The following CPED1 variants were observed in gnomAD, a reference collection of about 807,000 sequenced individuals.
CPED1 encodes cadherin like and PC-esterase domain containing 1, also known as cadherin-like and PC-esterase domain-containing protein 1.
CPED1 carries 114 observed loss-of-function variants against 128.2 expected under a neutral mutation model. The observed-to-expected ratio is 0.89, with a 90% CI of 0.76 to 1.04. CPED1 has a LOEUF of 1.04. Ranked by LOEUF, CPED1 falls within the 50% of genes least tolerant of loss-of-function variation. The pLI, the probability that CPED1 is intolerant of heterozygous loss-of-function variation, is 0.00. For missense variants in CPED1, 1,211 were observed against 1,207.1 expected (o/e 1.00, Z -0.05); for synonymous variants, 462 against 426.7 (o/e 1.08, Z -1.02).
intron 16 of CPED1, among the ~76,000 whole-genome samples, chr7:121,204,294 A>T (rs915686089): frequency 6.6e-6 from 1 of 152,132 alleles, no homozygotes; most frequent in Non-Finnish European, 1.5e-5. Flanking sequence ...TAGTTTTACA[A>T]AGTAGAAGCC....
chr7:121,099,359 TAATTA>T (rs1344856000), intron 6 of CPED1, among the ~76,000 whole-genome samples: 1 of 152,140 alleles, frequency 6.6e-6, no homozygotes, highest in Admixed American at 6.5e-5. Context: ...CCTTTTTATT[TAATTA>T]AATTAATTAA....
intron 16 of CPED1, among the ~76,000 whole-genome samples, chr7:121,182,138 A>C (rs1796908863): frequency 6.6e-6 from 1 of 151,752 alleles, no homozygotes; most frequent in Non-Finnish European, 1.5e-5. Context: ...AAAAACCACT[A>C]TAAAAGCTAT....
At chr7:121,101,662 T>G (rs1269692620) in intron 7 of CPED1, among the ~76,000 whole-genome samples, 1 of 152,052 alleles carries the variant, frequency 6.6e-6, no homozygotes, top group Non-Finnish European at 1.5e-5. Flanking sequence ...TTCTGCAGGC[T>G]GTACAAGTAT....
chr7:121,112,538 A>G (rs1378921542), intron 7 of CPED1, among the ~76,000 whole-genome samples: 1 of 152,190 alleles, frequency 6.6e-6, no homozygotes, highest in Non-Finnish European at 1.5e-5. Flanking sequence ...TTAAGAGGGA[A>G]CGTGGCCATG....
At chr7:121,159,171 A>T (rs1489531033) in intron 16 of CPED1, among the ~76,000 whole-genome samples, 1 of 152,166 alleles carries the variant, frequency 6.6e-6, no homozygotes, top group Non-Finnish European at 1.5e-5. Context: ...CGACTTCAAA[A>T]GTTGCTTTTG....
intron 5 of CPED1, among the ~76,000 whole-genome samples, chr7:121,082,553 A>C (rs941029130): frequency 1.3e-5 from 2 of 152,240 alleles, no homozygotes; most frequent in East Asian, 3.8e-4. Flanking sequence ...GATTACCCTA[A>C]AATAAAGCAG....
At chr7:121,131,747 A>G (rs976442279) in intron 12 of CPED1, among the ~76,000 whole-genome samples, 3 of 152,046 alleles carry the variant, frequency 2.0e-5, no homozygotes, top group South Asian at 2.1e-4. Context: ...TTTAGAATTT[A>G]TGAAGACAGG....
At chr7:121,245,367 G>A (rs1192417252) in intron 18 of CPED1, among the ~76,000 whole-genome samples, 7 of 152,026 alleles carry the variant, frequency 4.6e-5, no homozygotes, top group African/African-American at 1.4e-4. Flanking sequence ...AACTTATGTT[G>A]CAGTGTTATT....
chr7:121,082,817 A>G (rs939357808), intron 5 of CPED1, among the ~76,000 whole-genome samples: 2 of 152,258 alleles, frequency 1.3e-5, no homozygotes, highest in African/African-American at 2.4e-5. Flanking sequence ...TGTCTTATAA[A>G]TAAGAAAATA....
intron 17 of CPED1, 43 bp from the exon 18 acceptor site, chr7:121,244,159 C>T (rs1784208258): frequency 6.2e-7 from 1 of 1,613,364 alleles, no homozygotes; most frequent in South Asian, 1.1e-5. Flanking sequence ...ACAAACTTCA[C>T]CAGCAGAAAC....
At chr7:121,088,903 C>T (rs888186228) in intron 5 of CPED1, among the ~76,000 whole-genome samples, 7 of 151,468 alleles carry the variant, frequency 4.6e-5, no homozygotes, top group African/African-American at 1.2e-4. Flanking sequence ...ATTCTTTACT[C>T]ATATGCAAGA....
chr7:121,187,948 G>A (rs534801037), intron 16 of CPED1, among the ~76,000 whole-genome samples: 1 of 152,204 alleles, frequency 6.6e-6, no homozygotes, highest in Non-Finnish European at 1.5e-5. Context: ...CTAAATAAAT[G>A]TAATGTTCAT....
At chr7:121,186,330 T>G (rs1212779665) in intron 16 of CPED1, among the ~76,000 whole-genome samples, 1 of 152,186 alleles carries the variant, frequency 6.6e-6, no homozygotes, top group Non-Finnish European at 1.5e-5. Context: ...TCTCCATAAC[T>G]TTAAAATTTT....
intron 14 of CPED1, 82 bp downstream of exon 14, chr7:121,136,172 T>C: frequency 7.6e-7 from 1 of 1,324,062 alleles, no homozygotes; most frequent in Non-Finnish European, 1.0e-6. Context: ...CATCATTTTA[T>C]TATATGTGGG....
At chr7:121,167,077 C>G (rs1020419634) in intron 16 of CPED1, among the ~76,000 whole-genome samples, 9 of 152,210 alleles carry the variant, frequency 5.9e-5, no homozygotes, top group African/African-American at 2.2e-4. Context: ...CAGCTACACT[C>G]TGAGACCCAC....
chr7:121,081,176 A>G (rs1794284146), intron 5 of CPED1, among the ~76,000 whole-genome samples: 1 of 152,184 alleles, frequency 6.6e-6, no homozygotes, highest in Non-Finnish European at 1.5e-5. Context: ...GCCTCTTCCA[A>G]TCTGACACAT....
intron 8 of CPED1, among the ~76,000 whole-genome samples, chr7:121,125,418 C>T (rs1045061665): frequency 6.6e-6 from 1 of 151,954 alleles, no homozygotes; most frequent in African/African-American, 2.4e-5. Flanking sequence ...GGTTTTAAGC[C>T]CTGCATGCGT....
rs946471793 is a variant in CPED1 at position 121,104,140 on chromosome 7, C to T, written c.918+4046C>T. On this transcript the variant is annotated intron_variant, in intron 7 of 22. Transcript: ENST00000310396. Reference sequence around the variant, plus strand: ...TATACCATTTGATCTGATTTTAAATCAACTCTATTTGTTGCTGTTAAGACA... The same window carrying T: ...TATACCATTTGATCTGATTTTAAATTAACTCTATTTGTTGCTGTTAAGACA... 5.9e-5 allele frequency among the ~76,000 whole-genome samples: 9 copies of T among 151,876 alleles called. No homozygotes were observed. In the East Asian group the frequency reaches 1.7e-3, roughly 29 times the overall value.
chr7:121,256,073 G>A (rs185345014), intron 18 of CPED1, among the ~76,000 whole-genome samples: 4 of 108,720 alleles, frequency 3.7e-5, no homozygotes, highest in Middle Eastern at 0.017. Context: ...ATTCATATGG[G>A]ACCAAAAAAG....
Sources: gnomAD v4.1 joint callset for allele counts (sites outside exome capture counted in the v4.1 genomes callset) on GRCh38, gnomAD v4.1.1 for gene constraint, MANE v1.5 for transcripts, NCBI Gene and HGNC (gene_info 2026-07-23, HGNC 2026-07-21) for gene names.